Variants in TRPM3 observed in about 807,000 individuals in gnomAD.
TRPM3 encodes transient receptor potential cation channel subfamily M member 3, also known as long transient receptor potential channel 3.
In TRPM3, 77 loss-of-function variants were observed where a neutral mutation model predicts 181.2. The ratio of observed to expected loss-of-function variants is 0.42; its 90% confidence interval spans 0.35 to 0.51. TRPM3 has a LOEUF of 0.51. Ranked by LOEUF, TRPM3 falls within the 20% of genes least tolerant of loss-of-function variation. The pLI is 0.01. For synonymous variants in TRPM3, 745 were observed against 796.4 expected, an observed-to-expected ratio of 0.94 and a Z score of 1.09; for missense variants, 1,759 against 2,196.7, an observed-to-expected ratio of 0.80 and a Z score of 3.98.
At chr9:70,876,300 T>C (rs2132630875) in intron 1 of TRPM3, among the ~76,000 whole-genome samples, 1 of 138,262 alleles carries the variant, frequency 7.2e-6, no homozygotes, top group East Asian at 2.2e-4. Flanking sequence ...TATATAGACA[T>C]ATACATATAT....
chr9:70,553,213 G>A lies in TRPM3; in HGVS notation c.3321C>T (p.Cys1107=), dbSNP rs1346763042. ...GAWIVPAIMA[C]YLLVANILLV... ...GCAAGATGTTTGCCACTAAGAGGTA[G>A]CAGGCCATGATGGCCGGCACGATCC... Residue 1107 remains cysteine, a synonymous_variant, in exon 23 of 26, where the codon TGC becomes TGT. Coordinates refer to ENST00000677713, the MANE Select transcript of TRPM3 (RefSeq NM_001366145.2). 60 of 1,614,008 alleles carry A rather than the reference G, an allele frequency of 3.7e-5. No individual in the cohort carries two copies. In the Admixed American group the frequency reaches 9.3e-4, roughly 25 times the overall value.
chr9:71,265,316 G>A (rs2083313751), intron 1 of TRPM3, among the ~76,000 whole-genome samples: 2 of 152,046 alleles, frequency 1.3e-5, no homozygotes, highest in Admixed American at 6.6e-5. Context: ...TTACCTTTCC[G>A]ACATTAACTT....
chr9:71,106,914 C>T (rs533577598), intron 1 of TRPM3, among the ~76,000 whole-genome samples: 14 of 152,240 alleles, frequency 9.2e-5, no homozygotes, highest in Admixed American at 5.2e-4. Context: ...CAGTGTAACC[C>T]TCTTAATAGA....
intron 1 of TRPM3, chr9:70,917,175 G>A (rs879151982): frequency 6.2e-7 from 1 of 1,605,834 alleles, no homozygotes; most frequent in Non-Finnish European, 8.5e-7. Flanking sequence ...TCTAGGAGGA[G>A]TTTCTGCTTT....
chr9:70,635,690 G>A (rs2057073006), intron 11 of TRPM3, among the ~76,000 whole-genome samples: 1 of 151,462 alleles, frequency 6.6e-6, no homozygotes, highest in South Asian at 2.1e-4. Context: ...TTGAATTCCT[G>A]GCCTCAAGCA....
intron 1 of TRPM3, among the ~76,000 whole-genome samples, chr9:71,133,844 C>G (rs757796948): frequency 6.6e-6 from 1 of 152,136 alleles, no homozygotes; most frequent in Non-Finnish European, 1.5e-5. Flanking sequence ...AATCTAAGCA[C>G]AGACAAACAC....
At chr9:71,080,042 T>C (rs983209518) in intron 1 of TRPM3, among the ~76,000 whole-genome samples, 1 of 152,032 alleles carries the variant, frequency 6.6e-6, no homozygotes, top group African/African-American at 2.4e-5. Flanking sequence ...TGTTGGCGGA[T>C]GCCTGTAATT....
chr9:70,590,043 C>G (rs1178020474), intron 22 of TRPM3, among the ~76,000 whole-genome samples: 1 of 152,180 alleles, frequency 6.6e-6, no homozygotes, highest in East Asian at 1.9e-4. Context: ...GCTCAGACGG[C>G]TGGCCTGTCA....
At chr9:70,758,401 C>T (rs1223152186) in intron 8 of TRPM3, among the ~76,000 whole-genome samples, 1 of 152,208 alleles carries the variant, frequency 6.6e-6, no homozygotes, top group African/African-American at 2.4e-5. Flanking sequence ...AATAGTCATA[C>T]TGCCAAAAGT....
chr9:70,535,897 T>C lies in TRPM3; in HGVS notation c.*56A>G, dbSNP rs1304240103. 1 of 1,526,990 alleles carries C rather than the reference T, an allele frequency of 6.5e-7. No individual in the cohort carries two copies. Among genetic ancestry groups the C allele is most frequent in the Non-Finnish European group, 8.8e-7 (1 of 1,140,260 alleles). 94.6% of individuals were successfully genotyped at this position (1,526,990 alleles called of 1,614,324 possible). On this transcript the variant is annotated 3_prime_UTR_variant, in exon 26 of 26. Transcript: ENST00000677713. ...TCAAGGAAAGGGGAAAAACTGGAGTTGGAGAGAATTTTAGGGCTGGATTCT... is the reference window on the plus strand; with the variant it reads ...TCAAGGAAAGGGGAAAAACTGGAGTCGGAGAGAATTTTAGGGCTGGATTCT...
At chr9:71,406,024 C>G (rs1467983037) in intron 1 of TRPM3, among the ~76,000 whole-genome samples, 7 of 152,046 alleles carry the variant, frequency 4.6e-5, no homozygotes, top group Admixed American at 1.3e-4. Flanking sequence ...ACCTGTAATC[C>G]CAGCACTTCA....
intron 1 of TRPM3, among the ~76,000 whole-genome samples, chr9:71,365,309 A>G (rs755669771): frequency 1.3e-5 from 2 of 152,194 alleles, no homozygotes; most frequent in Admixed American, 6.5e-5. Flanking sequence ...CCCAGGCTGC[A>G]TGTAAAGATT....
At chr9:70,764,968 C>G (rs570761853) in intron 7 of TRPM3, among the ~76,000 whole-genome samples, 1 of 152,262 alleles carries the variant, frequency 6.6e-6, no homozygotes, top group South Asian at 2.1e-4. Flanking sequence ...TAAGATCCCA[C>G]AAAACATTTG....
intron 1 of TRPM3, among the ~76,000 whole-genome samples, chr9:70,894,294 C>T (rs1425947541): frequency 6.6e-6 from 1 of 152,102 alleles, no homozygotes; most frequent in Non-Finnish European, 1.5e-5. Context: ...AGGACACTAC[C>T]AGCTAGGAGC....
chr9:70,619,400 C>T (rs914328803), intron 16 of TRPM3, among the ~76,000 whole-genome samples: 22 of 127,570 alleles, frequency 1.7e-4, no homozygotes, highest in African/African-American at 5.7e-4. Flanking sequence ...ATGTCATCGT[C>T]GTCTTCTTTT....
chr9:70,741,950 C>T (rs1033920901), intron 8 of TRPM3, among the ~76,000 whole-genome samples: 2 of 152,150 alleles, frequency 1.3e-5, no homozygotes, highest in African/African-American at 4.8e-5. Context: ...CAAACACCAT[C>T]TGTTCCCCCA....
intron 1 of TRPM3, among the ~76,000 whole-genome samples, chr9:71,284,600 T>C: frequency 6.6e-6 from 1 of 152,226 alleles, no homozygotes; most frequent in East Asian, 1.9e-4. Context: ...AAAAGATTTC[T>C]AATTATGGGA....
chr9:70,574,103 C>T (rs1234531391), intron 22 of TRPM3, among the ~76,000 whole-genome samples: 1 of 151,986 alleles, frequency 6.6e-6, no homozygotes, highest in Non-Finnish European at 1.5e-5. Context: ...CACACACACA[C>T]ACACACACTA....
intron 7 of TRPM3, among the ~76,000 whole-genome samples, chr9:70,762,163 A>G (rs140205217): frequency 1.4e-4 from 22 of 152,310 alleles, no homozygotes; most frequent in African/African-American, 5.3e-4. Context: ...GGAAATAAAG[A>G]CAGTATTTCA....
Sources: allele counts gnomAD v4.1 joint callset (sites outside exome capture counted in the v4.1 genomes callset), GRCh38; gene constraint gnomAD v4.1.1; transcripts MANE v1.5; gene names NCBI Gene and HGNC (gene_info 2026-07-23, HGNC 2026-07-21).